SDK2: variants seen among roughly 807,000 people sequenced by gnomAD.
The protein encoded by SDK2 is protein sidekick-2.
Under a neutral mutation model 253.9 loss-of-function variants are expected in SDK2, and 105 were observed. The observed-to-expected ratio is 0.41, with a 90% CI of 0.35 to 0.49. The LOEUF is 0.49. SDK2 is among the 20% of genes least tolerant of loss of function. SDK2 has a pLI of 0.06. For synonymous variants in SDK2, 1,249 were observed against 1,234.9 expected (o/e 1.01, Z -0.24); for missense variants, 2,608 against 3,003.0 (o/e 0.87, Z 3.07).
intron 40 of SDK2, among the ~76,000 whole-genome samples, chr17:73,355,174 A>ATATATATATATATTTTTTT: frequency 1.5e-4 from 7 of 47,222 alleles, no homozygotes; most frequent in African/African-American, 3.3e-4. Context: ...ATATATATAT[A>ATATATATATATATTTTTTT]TTTTTTTTTT....
At chr17:73,638,602 G>T (rs1196445489) in intron 1 of SDK2, among the ~76,000 whole-genome samples, 1 of 152,108 alleles carries the variant, frequency 6.6e-6, no homozygotes, top group Non-Finnish European at 1.5e-5. Context: ...GTCAGTGTGG[G>T]GACAGGAGTG....
intron 2 of SDK2, among the ~76,000 whole-genome samples, chr17:73,506,237 C>A (rs2063934944): frequency 1.3e-5 from 2 of 152,222 alleles, no homozygotes; most frequent in Non-Finnish European, 2.9e-5. Flanking sequence ...TGGCCCCCAA[C>A]TGAAAACCAC....
rs1012304569 is a variant in SDK2, at chr17:73,588,405, A to G, written c.64+55620T>C. ...TCCATCTCAAAAAAAAAAAAAAAAA[A>G]AAAAAAAGAAAGAAATGCAAATTCT... On this transcript the variant is annotated intron_variant, in intron 1 of 44. Coordinates refer to ENST00000392650, the MANE Select transcript of SDK2 (RefSeq NM_001144952.2). 9.6e-5 allele frequency among the ~76,000 whole-genome samples: 14 copies of G among 146,196 alleles called. No homozygotes were observed. The East Asian group carries it at 2.9e-3, about 31-fold the overall frequency.
At chr17:73,492,169 C>T (rs1188104569) in intron 2 of SDK2, among the ~76,000 whole-genome samples, 2 of 152,124 alleles carry the variant, frequency 1.3e-5, no homozygotes, top group Non-Finnish European at 2.9e-5. Context: ...CAGCCCAAGC[C>T]GACTGCCAGA....
Position 73,391,846 on chromosome 17 carries a change from C to T in SDK2, c.3899-308G>A, listed in dbSNP as rs112356936. 4.9e-3 allele frequency among the ~76,000 whole-genome samples: 740 copies of T among 152,324 alleles called. 4 individuals carry two copies. The highest frequency in any genetic ancestry group is 0.017 in the African/African-American group (709 of 41,572). The stretch of plus-strand genomic sequence containing the variant: ...TGCCCTCAGAGCTGGGCGCGTGGGC[C>T]CTGGATGGATGCGTCAGTGCTTCAG... On this transcript the variant is annotated intron_variant, in intron 27 of 44. Transcript: ENST00000392650.
chr17:73,402,852 C>T (rs977889666), intron 18 of SDK2, among the ~76,000 whole-genome samples: 1 of 152,068 alleles, frequency 6.6e-6, no homozygotes, highest in Non-Finnish European at 1.5e-5. Flanking sequence ...GGCTGCAGTA[C>T]AGTGGCAAGA....
intron 24 of SDK2, 104 bp downstream of exon 24, chr17:73,397,927 CAGAA>C (rs1249270496): frequency 7.9e-7 from 1 of 1,258,090 alleles, no homozygotes; most frequent in Non-Finnish European, 1.1e-6. Flanking sequence ...CATCAGAAAA[CAGAA>C]AGAGAGGAGA....
chr17:73,483,692 TATATATATATATA>T (rs2063751168), intron 2 of SDK2, among the ~76,000 whole-genome samples: 2 of 82,796 alleles, frequency 2.4e-5, no homozygotes, highest in Non-Finnish European at 2.3e-5. Flanking sequence ...TTTATATATA[TATATATATATATA>T]TATTTTTTTT....
In SDK2 at chr17:73,643,961, G is replaced by GCCCCC; in HGVS notation, c.64+63_64+64insGGGGG. ...GTCACCGTGAGGCCGGCCAGCTCCC[G>GCCCCC]CCGCCCCTCCCCCGCCCACTCTCCC... On this transcript the variant is annotated intron_variant, in intron 1 of 44. Transcript: ENST00000392650. The surrounding 1 kb of genome is among the most constrained non-coding windows in gnomAD (Gnocchi z 6.9). 2 of 514,828 alleles carry GCCCCC rather than the reference G, an allele frequency of 3.9e-6. No homozygotes were observed. 31.9% of individuals were successfully genotyped at this position (514,828 alleles called of 1,614,324 possible). A position where few individuals can be genotyped will look rare whatever the true frequency, so the allele number is the denominator to read the frequency against.
intron 3 of SDK2, among the ~76,000 whole-genome samples, chr17:73,459,219 G>A (rs938839060): frequency 6.6e-6 from 1 of 152,126 alleles, no homozygotes; most frequent in Non-Finnish European, 1.5e-5. Flanking sequence ...TACTCCAGCT[G>A]CACAGACCCT....
chr17:73,566,906 GAA>G (rs2045320080), intron 1 of SDK2, among the ~76,000 whole-genome samples: 1 of 149,072 alleles, frequency 6.7e-6, no homozygotes, highest in East Asian at 2.0e-4. Context: ...TAAAAACTTA[GAA>G]AATTTCCAGC....
chr17:73,571,033 G>A (rs1717751279), intron 1 of SDK2, among the ~76,000 whole-genome samples: 1 of 151,700 alleles, frequency 6.6e-6, no homozygotes, highest in East Asian at 1.9e-4. Context: ...TGGGCCAGCA[G>A]GAGTTTGCTG....
At chr17:73,531,487 G>A (rs2064168745) in intron 1 of SDK2, among the ~76,000 whole-genome samples, 1 of 152,024 alleles carries the variant, frequency 6.6e-6, no homozygotes, top group Non-Finnish European at 1.5e-5. Context: ...TCCACCGTTG[G>A]CATTCAATAA....
At chr17:73,540,874 A>G (rs2044857860) in intron 1 of SDK2, among the ~76,000 whole-genome samples, 1 of 152,168 alleles carries the variant, frequency 6.6e-6, no homozygotes, top group Admixed American at 6.5e-5. Context: ...TTGACAGGAG[A>G]TAAGTGGGTG....
chr17:73,483,682 T>TG (rs1567799315), intron 2 of SDK2, among the ~76,000 whole-genome samples: 27 of 49,580 alleles, frequency 5.4e-4, no homozygotes, highest in African/African-American at 2.1e-3. Flanking sequence ...TATATATATA[T>TG]TTATATATAT....
Position 73,566,568 on chromosome 17 carries a change from T to G in SDK2, c.65-58971A>C, listed in dbSNP as rs148303950. ...ACTTCTTAGCGACTAGTTAAATGGTTGTAACCAAAGTCCTGATAGAAATAT... is the reference window on the plus strand; with the variant it reads ...ACTTCTTAGCGACTAGTTAAATGGTGGTAACCAAAGTCCTGATAGAAATAT... On this transcript the variant is annotated intron_variant, in intron 1 of 44. Coordinates refer to ENST00000392650, the MANE Select transcript of SDK2 (RefSeq NM_001144952.2). Among the ~76,000 whole-genome samples the G allele has an allele frequency of 4.7e-3, 721 of 152,272 alleles. 6 individuals carry two copies. Among genetic ancestry groups the G allele is most frequent in the African/African-American group, 0.017 (696 of 41,546 alleles).
Position 73,457,261 on chromosome 17 carries a change from TC to T in SDK2, c.332-1209del, listed in dbSNP as rs2063532999. On this transcript the variant is annotated intron_variant, in intron 3 of 44. Transcript: ENST00000392650. ...TTCCTTCCTTCCTTCCTTCCTTCCTTCCTTCCTTCCTTCCTTCCTTCCTTCC... is the reference window on the plus strand; with the variant it reads ...TTCCTTCCTTCCTTCCTTCCTTCCTTCTTCCTTCCTTCCTTCCTTCCTTCC... 2.0e-3 allele frequency among the ~76,000 whole-genome samples: 114 copies of T among 58,424 alleles called. No individual in the cohort carries two copies. The East Asian group carries it at 0.021, about 11-fold the overall frequency. 38.3% of individuals were successfully genotyped at this position (58,424 alleles called of 152,430 possible).
At chr17:73,584,478 C>A (rs1215326092) in intron 1 of SDK2, among the ~76,000 whole-genome samples, 1 of 152,248 alleles carries the variant, frequency 6.6e-6, no homozygotes, top group Non-Finnish European at 1.5e-5. Context: ...AAGAGGGAAA[C>A]AGTCAGCTCC....
At position 73,644,008 on chromosome 17, in the gene SDK2, T is replaced by TG. The variant is rs776316283; in HGVS notation, c.64+16dup. ...TCCCAGCCCCCTCCCTGTCCCCACGTGGGGGTCCCTCCTTACCTTGGGCTC... is the reference window on the plus strand; with the variant it reads ...TCCCAGCCCCCTCCCTGTCCCCACGTGGGGGGTCCCTCCTTACCTTGGGCTC... On this transcript the variant is annotated intron_variant, in intron 1 of 44. Coordinates refer to ENST00000392650, the MANE Select transcript of SDK2 (RefSeq NM_001144952.2). This position sits in a 1 kb window ranked among gnomAD's most constrained non-coding sequence, Gnocchi z 6.3. 1.5e-6 allele frequency: 2 copies of TG among 1,341,082 alleles called. No homozygotes were observed. Among genetic ancestry groups the TG allele is most frequent in the Non-Finnish European group, 2.0e-6 (2 of 999,632 alleles). The allele number at this position is 1,341,082 out of a possible 1,614,324, so 83.1% of individuals were successfully genotyped here. A position where few individuals can be genotyped will look rare whatever the true frequency, so the allele number is the denominator to read the frequency against.
Sources: gnomAD v4.1 joint callset for allele counts (sites outside exome capture counted in the v4.1 genomes callset) on GRCh38, gnomAD v4.1.1 for gene constraint, Gnocchi (gnomAD v3.1) non-coding constraint, MANE v1.5 for transcripts, NCBI Gene and HGNC (gene_info 2026-07-23, HGNC 2026-07-21) for gene names.